The following DLG2 variants were observed in gnomAD, a reference collection of about 807,000 sequenced individuals.
DLG2 encodes the protein disks large homolog 2.
In DLG2, 45 loss-of-function variants were observed where a neutral mutation model predicts 132.5. The observed-to-expected ratio is 0.34, with a 90% confidence interval of 0.27 to 0.44. The LOEUF is 0.44. Ranked by LOEUF, DLG2 falls within the 20% of genes least tolerant of loss-of-function variation. The pLI, the probability that DLG2 is intolerant of heterozygous loss-of-function variation, is 1.00. For synonymous variants in DLG2, 424 were observed against 419.6 expected (o/e 1.01, Z -0.13); for missense variants, 1,045 against 1,196.9 (o/e 0.87, Z 1.87).
At chr11:84,326,398 G>T (rs982639767) in intron 7 of DLG2, among the ~76,000 whole-genome samples, 1 of 151,864 alleles carries the variant, frequency 6.6e-6, no homozygotes, top group Non-Finnish European at 1.5e-5. Context: ...TGTTTTTATG[G>T]TATCCCATAA....
At position 84,799,031 on chromosome 11, in the gene DLG2, G is replaced by A. The variant is rs531111501; in HGVS notation, c.358-264300C>T. ...GCTAGAAGCTGCACTGCCTGGAGGC[G>A]AGGATGGCACAAGTACTCCCTGAGC... On this transcript the variant is annotated intron_variant, in intron 6 of 27. Transcript: ENST00000376104. 9.9e-5 allele frequency among the ~76,000 whole-genome samples: 15 copies of A among 152,226 alleles called. No homozygotes were observed. In the South Asian group the frequency reaches 1.0e-3, roughly 11 times the overall value.
chr11:84,749,399 A>C (rs980208360), intron 6 of DLG2, among the ~76,000 whole-genome samples: 1 of 152,210 alleles, frequency 6.6e-6, no homozygotes, highest in Non-Finnish European at 1.5e-5. Flanking sequence ...TGGTCAATAC[A>C]AACTGCATAT....
intron 10 of DLG2, among the ~76,000 whole-genome samples, chr11:84,072,998 T>A (rs2096779057): frequency 6.6e-6 from 1 of 152,234 alleles, no homozygotes; most frequent in South Asian, 2.1e-4. Flanking sequence ...TTTGTTTAAA[T>A]GTCTGTCTTC....
At chr11:84,817,807 T>A (rs2077233123) in intron 6 of DLG2, among the ~76,000 whole-genome samples, 1 of 151,912 alleles carries the variant, frequency 6.6e-6, no homozygotes, top group South Asian at 2.1e-4. Flanking sequence ...GGAATTTCCC[T>A]TCAACAAGAC....
At chr11:85,382,054 G>A (rs947543172) in intron 3 of DLG2, among the ~76,000 whole-genome samples, 5 of 151,994 alleles carry the variant, frequency 3.3e-5, no homozygotes, top group African/African-American at 1.2e-4. Context: ...GAAATGCATG[G>A]GACCCAGAAT....
intron 4 of DLG2, among the ~76,000 whole-genome samples, chr11:85,244,325 T>C (rs1266011488): frequency 3.3e-5 from 5 of 151,994 alleles, no homozygotes; most frequent in Non-Finnish European, 7.4e-5. Flanking sequence ...TGAAAGTTTA[T>C]GCGAGGAAAG....
In DLG2 at chr11:83,682,159, G is replaced by A. The variant is rs1399717954; in HGVS notation, c.1826-48834C>T. ...TTAGCTGCAAAGCCAGGAACTTACC[G>A]AGCACAAAATTATTGGAACAAAGCA... is the stretch of plus-strand genomic sequence containing the variant. On this transcript the variant is annotated intron_variant, in intron 18 of 27. Coordinates refer to ENST00000376104, the MANE Select transcript of DLG2 (RefSeq NM_001142699.3). The A allele has an allele frequency of 1.2e-5, 12 of 985,196 alleles. No individual in the cohort carries two copies. In the South Asian group the frequency reaches 3.3e-4, roughly 27 times the overall value. The allele number at this position is 985,196 out of a possible 1,614,324, so 61.0% of individuals were successfully genotyped here.
At chr11:84,938,318 T>C (rs2048988505) in intron 6 of DLG2, among the ~76,000 whole-genome samples, 2 of 152,102 alleles carry the variant, frequency 1.3e-5, no homozygotes, top group Non-Finnish European at 2.9e-5. Flanking sequence ...TTGATAAGGA[T>C]CATATATATT....
intron 6 of DLG2, among the ~76,000 whole-genome samples, chr11:84,981,369 G>T (rs193246522): frequency 6.6e-6 from 1 of 152,114 alleles, no homozygotes; most frequent in African/African-American, 2.4e-5. Context: ...GGTCGTGACC[G>T]TAGGCCAAAT....
At chr11:85,004,107 A>G (rs895908283) in intron 6 of DLG2, among the ~76,000 whole-genome samples, 1 of 152,072 alleles carries the variant, frequency 6.6e-6, no homozygotes, top group Non-Finnish European at 1.5e-5. Flanking sequence ...CATTTTCTTT[A>G]TCCAGTCTAT....
intron 6 of DLG2, among the ~76,000 whole-genome samples, chr11:84,802,022 T>C (rs2075443482): frequency 6.6e-6 from 1 of 151,710 alleles, no homozygotes; most frequent in Admixed American, 6.6e-5. Context: ...TCATTTTAGG[T>C]AAGTCATTAA....
intron 6 of DLG2, among the ~76,000 whole-genome samples, chr11:84,911,403 C>A (rs1002471364): frequency 6.6e-6 from 1 of 151,528 alleles, no homozygotes; most frequent in African/African-American, 2.4e-5. Context: ...ATATTTTAAC[C>A]TGTATTTATA....
chr11:84,147,866 A>G (rs568489027), intron 9 of DLG2, among the ~76,000 whole-genome samples: 1 of 152,340 alleles, frequency 6.6e-6, no homozygotes, highest in Middle Eastern at 3.4e-3. Context: ...GTGGGGGTAG[A>G]TAAATGTTTG....
At chr11:83,576,553 A>C (rs1314527056) in intron 19 of DLG2, among the ~76,000 whole-genome samples, 1 of 152,196 alleles carries the variant, frequency 6.6e-6, no homozygotes, top group Non-Finnish European at 1.5e-5. Flanking sequence ...CTTCATGCAA[A>C]GAGAATAAGG....
At chr11:85,547,561 T>A (rs1346114999) in intron 3 of DLG2, among the ~76,000 whole-genome samples, 1 of 152,226 alleles carries the variant, frequency 6.6e-6, no homozygotes, top group African/African-American at 2.4e-5. Flanking sequence ...TTCTCCTGGA[T>A]AATATCCTGA....
At chr11:84,685,583 G>T (rs2099737413) in intron 6 of DLG2, among the ~76,000 whole-genome samples, 6 of 152,176 alleles carry the variant, frequency 3.9e-5, no homozygotes, top group Admixed American at 3.9e-4. Flanking sequence ...TTGAGCTAGA[G>T]ATTTATTTAT....
intron 11 of DLG2, among the ~76,000 whole-genome samples, chr11:84,016,677 T>A (rs1285461724): frequency 6.6e-6 from 1 of 152,154 alleles, no homozygotes; most frequent in Non-Finnish European, 1.5e-5. Flanking sequence ...TGGTCTTATT[T>A]CTGGGTTCTC....
chr11:84,769,145 T>C (rs1316437390), intron 6 of DLG2, among the ~76,000 whole-genome samples: 2 of 152,026 alleles, frequency 1.3e-5, no homozygotes, highest in African/African-American at 4.8e-5. Context: ...CTAACCAAAA[T>C]GGAAATTCAG....
chr11:83,678,127 T>C (rs974971111), intron 18 of DLG2, among the ~76,000 whole-genome samples: 7 of 152,180 alleles, frequency 4.6e-5, no homozygotes, highest in African/African-American at 1.7e-4. Context: ...TAAAATTGCT[T>C]TCCAAAGTAA....
Sources: allele counts gnomAD v4.1 joint callset (sites outside exome capture counted in the v4.1 genomes callset), GRCh38; gene constraint gnomAD v4.1.1; transcripts MANE v1.5; gene names NCBI Gene and HGNC (gene_info 2026-07-23, HGNC 2026-07-21).